The following RGP1 variants were observed in gnomAD, a reference collection of about 807,000 sequenced individuals.
RGP1 encodes RAB6A-GEF complex partner protein 2.
A neutral mutation model predicts 44.5 loss-of-function variants in RGP1; 28 were observed. The ratio of observed to expected loss-of-function variants is 0.63; its 90% CI spans 0.47 to 0.86. RGP1 has a LOEUF of 0.86. RGP1 is among the 40% of genes least tolerant of loss of function. RGP1 has a pLI of 0.00. For synonymous variants in RGP1, 212 were observed against 196.7 expected, an observed-to-expected ratio of 1.08 and a Z score of -0.65; for missense variants, 417 against 490.7, an observed-to-expected ratio of 0.85 and a Z score of 1.42.
the RGP1 span, among the ~76,000 whole-genome samples, chr9:35,777,427 C>A: frequency 6.8e-6 from 1 of 147,628 alleles, no homozygotes; most frequent in Non-Finnish European, 1.5e-5. Context: ...CTGTGCCAGG[C>A]CTAAATCATG....
chr9:35,789,695 T>C, the RGP1 span, among the ~76,000 whole-genome samples: 1 of 150,738 alleles, frequency 6.6e-6, no homozygotes, highest in Non-Finnish European at 1.5e-5. Flanking sequence ...TGATCCTCAC[T>C]GAGGGCTGCA....
downstream of RGP1, among the ~76,000 whole-genome samples, chr9:35,762,901 T>C (rs1588039261): frequency 6.6e-6 from 1 of 150,900 alleles, no homozygotes; most frequent in African/African-American, 2.4e-5. Context: ...TATTTCAAGG[T>C]GTTCCTTTTA....
the RGP1 span, among the ~76,000 whole-genome samples, chr9:35,787,546 G>A: frequency 6.6e-6 from 1 of 152,178 alleles, no homozygotes; most frequent in Non-Finnish European, 1.5e-5. Context: ...AGCCCTTTGA[G>A]GCTGTTGAAT....
chr9:35,788,682 A>C, the RGP1 span, among the ~76,000 whole-genome samples: 3 of 152,138 alleles, frequency 2.0e-5, no homozygotes, highest in East Asian at 5.8e-4. Flanking sequence ...TGCTACAAAG[A>C]GAAAGTTGGA....
the RGP1 span, among the ~76,000 whole-genome samples, chr9:35,775,369 G>A: frequency 6.6e-6 from 1 of 152,322 alleles, no homozygotes; most frequent in South Asian, 2.1e-4. Flanking sequence ...GGAAGGAGGG[G>A]AAGTGCAAGG....
chr9:35,757,802 G>C lies in RGP1; in HGVS notation c.*4928G>C, dbSNP rs1827380231. On this transcript the variant is annotated 3_prime_UTR_variant, in exon 9 of 9. Coordinates refer to ENST00000378078, the MANE Select transcript of RGP1 (RefSeq NM_001080496.3). The stretch of plus-strand genomic sequence containing the variant: ...AAGGTTGTCTGCGTCTTGGATTACT[G>C]TCTGCCATTCAGCCTTTGCCAAAAA... The C allele has an allele frequency of 6.6e-6, 1 of 152,182 alleles. No individual in the cohort carries two copies. Among genetic ancestry groups the C allele is most frequent in the Non-Finnish European group, 1.5e-5 (1 of 68,032 alleles). The allele number at this position is 152,182 out of a possible 1,614,324, so 9.4% of individuals were successfully genotyped here. A position where few individuals can be genotyped will look rare whatever the true frequency, so the allele number is the denominator to read the frequency against.
At chr9:35,758,901 G>A (rs1827394472), downstream of RGP1, among the ~76,000 whole-genome samples, 1 of 150,624 alleles carries the variant, frequency 6.6e-6, no homozygotes. Flanking sequence ...TTTCTCTTTA[G>A]TAAGACCTCA....
At chr9:35,767,665 A>G in the RGP1 span, among the ~76,000 whole-genome samples, 1 of 152,218 alleles carries the variant, frequency 6.6e-6, no homozygotes, top group African/African-American at 2.4e-5. Context: ...ATCAGCAAAT[A>G]CGTTATTCAT....
Position 35,756,609 on chromosome 9 carries a change from G to T in RGP1, c.*3735G>T, listed in dbSNP as rs1439506763. 1.3e-5 allele frequency: 2 copies of T among 152,384 alleles called. No individual in the cohort carries two copies. Among genetic ancestry groups the T allele is most frequent in the African/African-American group, 4.8e-5 (2 of 41,466 alleles). The allele number at this position is 152,384 out of a possible 1,614,324, so 9.4% of individuals were successfully genotyped here. ...GCCTGTCTAGCACGAGGGCCCAAAG[G>T]TCTTGTCAGTGGCCAGTAGCTCTGC... On this transcript the variant is annotated 3_prime_UTR_variant, in exon 9 of 9. Transcript: ENST00000378078.
chr9:35,752,752 G>A lies in RGP1; in HGVS notation c.1054G>A (p.Gly352Arg). ...ACAGCCCGAACCTACCACCTGGACAGGACCTGAGCAAGTACCTGTAGACAC... is the reference window on the plus strand; with the variant it reads ...ACAGCCCGAACCTACCACCTGGACAAGACCTGAGCAAGTACCTGTAGACAC... ...VEQPEPTTWT[G>R]PEQVPVDTFS... Residue 352 changes from glycine (G) to arginine (R), a missense_variant, in exon 9 of 9, where the codon GGA becomes AGA. Gly to Arg is a moderately radical substitution (Grantham distance 125, BLOSUM62 -2). Transcript: ENST00000378078. 6.2e-7 allele frequency: 1 copy of A among 1,613,820 alleles called. No homozygotes were observed. Among genetic ancestry groups the A allele is most frequent in the Non-Finnish European group, 8.5e-7 (1 of 1,179,846 alleles).
rs953222224 is a variant in RGP1, at chr9:35,755,396, G to A, written c.*2522G>A. The stretch of plus-strand genomic sequence containing the variant: ...CATTAAGCAGTTTGTGCATAGCTGA[G>A]GGCTTCTATTGGGGATGGCTGTCTC... On this transcript the variant is annotated 3_prime_UTR_variant, in exon 9 of 9. Transcript: ENST00000378078. 1 of 152,246 alleles carries A rather than the reference G, an allele frequency of 6.6e-6. No individual in the cohort carries two copies. The highest frequency in any genetic ancestry group is 1.5e-5 in the Non-Finnish European group (1 of 68,088). 9.4% of individuals were successfully genotyped at this position (152,246 alleles called of 1,614,324 possible).
Position 35,753,804 on chromosome 9 carries a change from G to C in RGP1, c.*930G>C, listed in dbSNP as rs1396238215. ...ACGGGAAATGTTAGTAGGTGTAGGAGTGCTGATGAGAGGCAGAGGCTCTTC... is the reference window on the plus strand; with the variant it reads ...ACGGGAAATGTTAGTAGGTGTAGGACTGCTGATGAGAGGCAGAGGCTCTTC... On this transcript the variant is annotated 3_prime_UTR_variant, in exon 9 of 9. Transcript: ENST00000378078. The surrounding 1 kb of genome is among the most constrained non-coding windows in gnomAD (Gnocchi z 4.2). The C allele has an allele frequency of 6.3e-7, 1 of 1,583,184 alleles. No individual in the cohort carries two copies.
chr9:35,764,736 A>T, the RGP1 span, among the ~76,000 whole-genome samples: 1 of 152,210 alleles, frequency 6.6e-6, no homozygotes, highest in African/African-American at 2.4e-5. Context: ...TTTGTTTTGT[A>T]GAGTTTCATG....
rs1225194336 is a variant in RGP1, at chr9:35,749,329, C to A, written c.-99C>A. ...CCAGCGGACGCCGCCGCCGCCGCCG[C>A]CGCCGCGTACCTAGCCAGGTCCCTG... is the stretch of plus-strand genomic sequence containing the variant. On this transcript the variant is annotated 5_prime_UTR_variant, in exon 1 of 9. Transcript: ENST00000378078. This position sits in a 1 kb window ranked among gnomAD's most constrained non-coding sequence, Gnocchi z 4.4. 1.9e-6 allele frequency: 1 copy of A among 529,524 alleles called. No homozygotes were observed. Among genetic ancestry groups the A allele is most frequent in the Non-Finnish European group, 3.9e-6 (1 of 258,774 alleles). 32.8% of individuals were successfully genotyped at this position (529,524 alleles called of 1,614,324 possible).
the RGP1 span, chr9:35,790,246 T>G: frequency 3.3e-5 from 5 of 153,614 alleles, no homozygotes; most frequent in East Asian, 9.6e-4. Flanking sequence ...GTCCTGAGGC[T>G]TCCATCTCTA....
chr9:35,766,197 A>G, the RGP1 span, among the ~76,000 whole-genome samples: 1 of 148,120 alleles, frequency 6.8e-6, no homozygotes, highest in Non-Finnish European at 1.5e-5. Flanking sequence ...GTGCTGCCTC[A>G]TTGTGGTTTT....
At chr9:35,771,927 A>G in the RGP1 span, among the ~76,000 whole-genome samples, 2 of 152,068 alleles carry the variant, frequency 1.3e-5, no homozygotes, top group Non-Finnish European at 1.5e-5. Context: ...TGCTTTGCTC[A>G]CTTTTTTTCT....
the RGP1 span, among the ~76,000 whole-genome samples, chr9:35,781,145 A>G: frequency 6.6e-6 from 1 of 152,022 alleles, no homozygotes; most frequent in Non-Finnish European, 1.5e-5. Flanking sequence ...ACTCAAGGGA[A>G]GAGAAAACAT....
At chr9:35,769,553 A>C in the RGP1 span, among the ~76,000 whole-genome samples, 27 of 152,206 alleles carry the variant, frequency 1.8e-4, no homozygotes, top group Non-Finnish European at 3.2e-4. Flanking sequence ...ATTGGAGTAC[A>C]CATATTTGGG....
Sources: gnomAD v4.1 joint callset for allele counts (sites outside exome capture counted in the v4.1 genomes callset) on GRCh38, gnomAD v4.1.1 for gene constraint, Gnocchi (gnomAD v3.1) non-coding constraint, MANE v1.5 for transcripts, NCBI Gene and HGNC (gene_info 2026-07-23, HGNC 2026-07-21) for gene names.